USP40: variants seen among roughly 807,000 people sequenced by gnomAD.
USP40 encodes ubiquitin specific peptidase 40.
A neutral mutation model predicts 166.2 loss-of-function variants in USP40; 143 were observed. That is an observed-to-expected ratio of 0.86 (90% CI 0.75 to 0.99). The LOEUF (loss-of-function observed/expected upper bound fraction) is 0.99. USP40 is among the 50% of genes least tolerant of loss of function. USP40 has a pLI of 0.00. For missense variants in USP40, 1,444 were observed against 1,479.7 expected, an observed-to-expected ratio of 0.98 and a Z score of 0.40; for synonymous variants, 498 against 524.0, an observed-to-expected ratio of 0.95 and a Z score of 0.68.
chr2:233,521,084 A>G lies in USP40; in HGVS notation c.2232T>C (p.Thr744=), dbSNP rs762157616. The change falls in exon 17 of 32, where the codon ACT becomes ACC. Residue 744 remains threonine (T), a synonymous_variant. Transcript: ENST00000678225. The stretch of plus-strand genomic sequence containing the variant: ...GGAGCCAGTCAATCTCATTCATACT[A>G]GTGACCCATTTCTCTTCCTTGGTCA... ...SLLTKEEKWV[T]SMNEIDWLHV... 66 of 1,608,146 alleles carry G rather than the reference A, an allele frequency of 4.1e-5. 1 individual carries two copies. The South Asian group carries it at 7.3e-4, about 18-fold the overall frequency.
Position 233,527,568 on chromosome 2 carries a change from C to A in USP40, c.1564G>T (p.Asp522Tyr). The A allele has an allele frequency of 6.2e-7, 1 of 1,607,600 alleles. No homozygotes were observed. Among genetic ancestry groups the A allele is most frequent in the South Asian group, 1.1e-5 (1 of 89,530 alleles). ...AATTCAAAAGTATTGTTTGCAGAAT[C>A]ACATTCTGCCCTTTAAAGAGGCACA... ...IELQTKRAEC[D>Y]SANNTFELHL... Residue 522 changes from aspartate (D) to tyrosine (Y), a missense_variant, in exon 13 of 32, where the codon GAT becomes TAT. Coordinates refer to ENST00000678225, the MANE Select transcript of USP40 (RefSeq NM_001365479.2).
intron 1 of USP40, 93 bp from the exon 2 acceptor site, chr2:233,565,666 C>T (rs944357341): frequency 3.6e-5 from 40 of 1,105,896 alleles, no homozygotes; most frequent in Non-Finnish European, 5.1e-5. Context: ...TCTGTTGTTT[C>T]TTAGAACACA....
chr2:233,502,442 T>C (rs577010157), intron 21 of USP40, among the ~76,000 whole-genome samples: 8 of 152,284 alleles, frequency 5.3e-5, no homozygotes, highest in African/African-American at 1.7e-4. Flanking sequence ...AAAATCTAAA[T>C]ATGAAATGCT....
At chr2:233,558,587 T>C (rs1021508972) in intron 4 of USP40, among the ~76,000 whole-genome samples, 1 of 152,186 alleles carries the variant, frequency 6.6e-6, no homozygotes, top group Non-Finnish European at 1.5e-5. Context: ...AGGAGGTCAG[T>C]GGTTGCCAGC....
intron 10 of USP40, among the ~76,000 whole-genome samples, chr2:233,535,115 G>A (rs1431043664): frequency 1.3e-5 from 2 of 152,132 alleles, no homozygotes; most frequent in Non-Finnish European, 2.9e-5. Flanking sequence ...GGGATGAGGG[G>A]ACAGAATCTG....
At chr2:233,556,101 G>C (rs1171321694) in intron 5 of USP40, among the ~76,000 whole-genome samples, 1 of 146,124 alleles carries the variant, frequency 6.8e-6, no homozygotes, top group Non-Finnish European at 1.5e-5. Context: ...GGGCGACAAA[G>C]CAAGACTCCA....
intron 30 of USP40, among the ~76,000 whole-genome samples, chr2:233,482,428 G>A (rs916407219): frequency 1.3e-5 from 2 of 151,900 alleles, no homozygotes; most frequent in Non-Finnish European, 2.9e-5. Flanking sequence ...GCTTCAGTGA[G>A]CATATCCATG....
intron 8 of USP40, chr2:233,542,733 T>G: frequency 6.2e-6 from 1 of 161,378 alleles, no homozygotes; most frequent in Non-Finnish European, 1.3e-5. Flanking sequence ...CACAATAATC[T>G]GCATATGCTT....
intron 3 of USP40, chr2:233,561,183 C>A: frequency 1.9e-6 from 3 of 1,580,544 alleles, no homozygotes; most frequent in Non-Finnish European, 2.6e-6. Context: ...TTATCCTTAT[C>A]TTCAAACAAA....
Position 233,552,733 on chromosome 2 carries a change from G to A in USP40, c.694-1214C>T, listed in dbSNP as rs543132072. 9.8e-5 allele frequency among the ~76,000 whole-genome samples: 15 copies of A among 152,288 alleles called. No homozygotes were observed. The South Asian group carries it at 1.5e-3, about 15-fold the overall frequency. ...AAACAGTATAAAATTCAATCTTCCC[G>A]TGAAAGCTACAGGCACAGGGTTTAA... On this transcript the variant is annotated intron_variant, in intron 6 of 31. Coordinates refer to ENST00000678225, the MANE Select transcript of USP40 (RefSeq NM_001365479.2).
chr2:233,563,944 C>T (rs571269126), intron 2 of USP40, among the ~76,000 whole-genome samples: 2 of 152,214 alleles, frequency 1.3e-5, no homozygotes, highest in African/African-American at 2.4e-5. Context: ...TTTGAGGCTA[C>T]GTTTCTACTT....
At chr2:233,531,209 C>CAGG (rs1385286744) in intron 11 of USP40, among the ~76,000 whole-genome samples, 19 of 152,280 alleles carry the variant, frequency 1.2e-4, no homozygotes, top group African/African-American at 4.6e-4. Flanking sequence ...GTTTACTGCT[C>CAGG]TTTTTCAATG....
chr2:233,554,533 T>C lies in USP40; in HGVS notation c.547-7A>G. 6.3e-7 allele frequency: 1 copy of C among 1,597,346 alleles called. No homozygotes were observed. On this transcript the variant is annotated splice_polypyrimidine_tract_variant and splice_region_variant and intron_variant, in intron 5 of 31. Coordinates refer to ENST00000678225, the MANE Select transcript of USP40 (RefSeq NM_001365479.2). ...TTAGATCTAAGAAGTCTTCCTGAAA[T>C]AGACATGAATATAATATTGAAAAAC... is the stretch of plus-strand genomic sequence containing the variant.
intron 8 of USP40, 43 bp downstream of exon 8, chr2:233,549,058 A>G: frequency 6.4e-7 from 1 of 1,550,918 alleles, no homozygotes; most frequent in Non-Finnish European, 8.7e-7. Flanking sequence ...TAGGAATAGA[A>G]AAGAAATTGC....
chr2:233,556,338 A>T (rs1385784648), intron 5 of USP40, among the ~76,000 whole-genome samples: 1 of 152,126 alleles, frequency 6.6e-6, no homozygotes, highest in Non-Finnish European at 1.5e-5. Flanking sequence ...ATTACAAAGA[A>T]CTGAAGGTTA....
chr2:233,553,221 T>C (rs1005159553), intron 6 of USP40, among the ~76,000 whole-genome samples: 8 of 152,222 alleles, frequency 5.3e-5, no homozygotes, highest in Non-Finnish European at 2.9e-5. Flanking sequence ...TAACTAGCAT[T>C]GGTAATGCTT....
intron 3 of USP40, among the ~76,000 whole-genome samples, chr2:233,562,467 A>AAAAAACC (rs889576166): frequency 4.0e-5 from 6 of 151,704 alleles, no homozygotes; most frequent in African/African-American, 1.5e-4. Flanking sequence ...TCGCAAGAAC[A>AAAAAACC]AAAAACCAAA....
At chr2:233,563,441 C>T (rs1004890423) in intron 2 of USP40, among the ~76,000 whole-genome samples, 2 of 152,150 alleles carry the variant, frequency 1.3e-5, no homozygotes, top group Middle Eastern at 3.2e-3. Context: ...CTCTGATATA[C>T]TCTAGGGATA....
chr2:233,544,422 C>T (rs2069709010), intron 8 of USP40, among the ~76,000 whole-genome samples: 1 of 152,162 alleles, frequency 6.6e-6, no homozygotes, highest in African/African-American at 2.4e-5. Flanking sequence ...AAATAAATCA[C>T]TCGTCACTGG....
Sources: allele counts gnomAD v4.1 joint callset (sites outside exome capture counted in the v4.1 genomes callset), GRCh38; gene constraint gnomAD v4.1.1; transcripts MANE v1.5; gene names NCBI Gene and HGNC (gene_info 2026-07-23, HGNC 2026-07-21).